The following NUP133 variants were observed in gnomAD, a reference collection of about 807,000 sequenced individuals.
NUP133 encodes nuclear pore complex protein Nup133.
In NUP133, 66 loss-of-function variants were observed where a neutral mutation model predicts 146.2. The ratio of observed to expected loss-of-function variants is 0.45; its 90% CI spans 0.37 to 0.55. The LOEUF is 0.55. Among genes scored for constraint, NUP133 ranks in the 20% least tolerant of loss-of-function variants. NUP133 has a pLI of 0.00. For missense variants in NUP133, 1,277 were observed against 1,374.8 expected, an observed-to-expected ratio of 0.93 and a Z score of 1.12; for synonymous variants, 521 against 498.8, an observed-to-expected ratio of 1.04 and a Z score of -0.59.
At position 229,466,678 on chromosome 1, in the gene NUP133, T is replaced by C; in HGVS notation, c.2155A>G (p.Ile719Val). Reference sequence around the variant, plus strand: ...TTGATCACCACTTCAGCCCATTCAATGGAATCCATAGGTGCATCCCTCAAG... The same window carrying C: ...TTGATCACCACTTCAGCCCATTCAACGGAATCCATAGGTGCATCCCTCAAG... ...QVLRDAPMDS[I>V]EWAEVVINVN... Residue 719 changes from isoleucine (I) to valine (V), a missense_variant, in exon 16 of 26, where the codon ATT (isoleucine) becomes GTT (valine). Transcript: ENST00000261396. 1 of 1,614,110 alleles carries C rather than the reference T, an allele frequency of 6.2e-7. No homozygotes were observed. Among genetic ancestry groups the C allele is most frequent in the Non-Finnish European group, 8.5e-7 (1 of 1,179,974 alleles).
At chr1:229,469,455 A>T (rs1367237774) in intron 15 of NUP133, among the ~76,000 whole-genome samples, 2 of 152,118 alleles carry the variant, frequency 1.3e-5, no homozygotes, top group Non-Finnish European at 2.9e-5. Context: ...AAGGTGTAGC[A>T]ACAGGATCCT....
chr1:229,479,594 TGAA>T (rs1471401280), intron 12 of NUP133, among the ~76,000 whole-genome samples: 1 of 152,172 alleles, frequency 6.6e-6, no homozygotes, highest in Non-Finnish European at 1.5e-5. Context: ...TGCTTTGAAC[TGAA>T]GAGATGGTAG....
intron 11 of NUP133, 62 bp from the exon 12 acceptor site, chr1:229,484,207 T>A: frequency 8.4e-7 from 1 of 1,197,340 alleles, no homozygotes; most frequent in Non-Finnish European, 1.2e-6. Flanking sequence ...ATTATTGGAC[T>A]AAAAACTGCA....
chr1:229,496,620 C>G (rs959133040), intron 6 of NUP133, among the ~76,000 whole-genome samples: 1 of 152,060 alleles, frequency 6.6e-6, no homozygotes, highest in Non-Finnish European at 1.5e-5. Context: ...CTTTGGAGAA[C>G]AAGAAGTCAT....
rs1661999305 is a variant in NUP133 at position 229,508,268 on chromosome 1, C to G, written c.-19G>C. Reference sequence around the variant, plus strand: ...GGAACATGACTCCAAGGAGCAGCGACTAGGACAGCGAGGGATCTGGCCGTC... The same window carrying G: ...GGAACATGACTCCAAGGAGCAGCGAGTAGGACAGCGAGGGATCTGGCCGTC... On this transcript the variant is annotated 5_prime_UTR_variant, in exon 1 of 26. Coordinates refer to ENST00000261396, the MANE Select transcript of NUP133 (RefSeq NM_018230.3). The G allele has an allele frequency of 6.8e-7, 1 of 1,463,798 alleles. No homozygotes were observed. The highest frequency in any genetic ancestry group is 9.1e-7 in the Non-Finnish European group (1 of 1,104,784). 90.7% of individuals were successfully genotyped at this position (1,463,798 alleles called of 1,614,324 possible).
In NUP133 at chr1:229,506,144, C is replaced by T. The variant is rs1374111319; in HGVS notation, c.197G>A (p.Arg66Gln). ...AGTTATGGAGTGGTGTGGGAACATTCGTGTTGGTGTTCCCCTAAAGAAAAG... is the reference window on the plus strand; with the variant it reads ...AGTTATGGAGTGGTGTGGGAACATTTGTGTTGGTGTTCCCCTAAAGAAAAG... Reference protein sequence around the residue: ...SSLSSRGTPTRMFPHHSITES... With the variant: ...SSLSSRGTPTQMFPHHSITES... The change falls in exon 2 of 26, where the codon CGA becomes CAA. Residue 66 changes from arginine to glutamine, a missense_variant. Physicochemically the swap from Arg to Gln is conservative, Grantham distance 43. Transcript: ENST00000261396. 2.5e-6 allele frequency: 4 copies of T among 1,603,410 alleles called. No individual in the cohort carries two copies. Among genetic ancestry groups the T allele is most frequent in the Admixed American group, 3.3e-5 (2 of 59,774 alleles).
At chr1:229,476,792 T>C (rs1168550788) in intron 13 of NUP133, among the ~76,000 whole-genome samples, 1 of 151,816 alleles carries the variant, frequency 6.6e-6, no homozygotes, top group Non-Finnish European at 1.5e-5. Context: ...GGCATGGTGG[T>C]GCACACCTGT....
At chr1:229,448,563 T>C (rs942096195) in intron 24 of NUP133, among the ~76,000 whole-genome samples, 16 of 152,178 alleles carry the variant, frequency 1.1e-4, no homozygotes, top group Non-Finnish European at 1.9e-4. Flanking sequence ...ACCATAAGTA[T>C]ACTCAAGTCA....
At chr1:229,487,352 T>G in intron 10 of NUP133, 114 bp downstream of exon 10, 1 of 1,049,146 alleles carries the variant, frequency 9.5e-7, no homozygotes, top group Admixed American at 2.5e-5. Flanking sequence ...GTATGAAATG[T>G]CTCAGAAACA....
chr1:229,496,085 A>C (rs547576743), intron 6 of NUP133, 38 bp from the exon 7 acceptor site: 1 of 1,475,952 alleles, frequency 6.8e-7, no homozygotes, highest in Admixed American at 2.4e-5. Context: ...TTCACAGATT[A>C]ACTTCTAATG....
At chr1:229,497,974 G>A (rs1322403829) in intron 6 of NUP133, among the ~76,000 whole-genome samples, 162 bp downstream of exon 6, 1 of 152,166 alleles carries the variant, frequency 6.6e-6, no homozygotes, top group East Asian at 1.9e-4. Flanking sequence ...AGGTTAGTAT[G>A]ATCTCATTTC....
At chr1:229,470,300 A>G (rs931727032) in intron 15 of NUP133, among the ~76,000 whole-genome samples, 21 of 151,972 alleles carry the variant, frequency 1.4e-4, no homozygotes, top group Non-Finnish European at 7.4e-5. Context: ...AAAAAAAAAA[A>G]AAGAAGATCA....
chr1:229,493,367 G>A (rs1386201010), intron 8 of NUP133, among the ~76,000 whole-genome samples: 1 of 152,050 alleles, frequency 6.6e-6, no homozygotes, highest in Non-Finnish European at 1.5e-5. Context: ...TTTGCGTGGA[G>A]ATAGGGTCTC....
rs754140585 is a variant in NUP133 at position 229,487,448 on chromosome 1, C to T, written c.1342+18G>A. ...CTAATGAGCTCACCAATCATGCTTT[C>T]TAAAACTGCTACTGTACCTTGTGCA... On this transcript the variant is annotated intron_variant, in intron 10 of 25. Coordinates refer to ENST00000261396, the MANE Select transcript of NUP133 (RefSeq NM_018230.3). 1 of 1,605,458 alleles carries T rather than the reference C, an allele frequency of 6.2e-7. No individual in the cohort carries two copies. The highest frequency in any genetic ancestry group is 8.5e-7 in the Non-Finnish European group (1 of 1,178,212).
chr1:229,450,715 T>TTTG (rs2102748501), intron 22 of NUP133, 110 bp from the exon 23 acceptor site: 1 of 432,604 alleles, frequency 2.3e-6, no homozygotes, highest in Non-Finnish European at 4.0e-6. Flanking sequence ...GTAGTTTGTT[T>TTTG]TTTGTTTGTT....
rs567919173 is a variant in NUP133, at chr1:229,443,989, C to G, written c.3334+925G>C. ...CTACTGGGCTCAAGTGATTCTCCCA[C>G]CTTGGCCTCCCAAAGTGTGAGCCAC... On this transcript the variant is annotated intron_variant, in intron 25 of 25. Coordinates refer to ENST00000261396, the MANE Select transcript of NUP133 (RefSeq NM_018230.3). Among the ~76,000 whole-genome samples the G allele has an allele frequency of 2.0e-5, 3 of 151,238 alleles. No individual in the cohort carries two copies. In the South Asian group the frequency reaches 6.3e-4, roughly 32 times the overall value.
intron 19 of NUP133, 150 bp downstream of exon 19, chr1:229,463,393 C>T (rs368703365): frequency 2.2e-5 from 20 of 889,928 alleles, no homozygotes; most frequent in Non-Finnish European, 2.3e-5. Context: ...CAAAGAAACG[C>T]GACATACAAA....
At chr1:229,494,921 G>A (rs1052777349) in intron 8 of NUP133, among the ~76,000 whole-genome samples, 1 of 152,202 alleles carries the variant, frequency 6.6e-6, no homozygotes, top group African/African-American at 2.4e-5. Context: ...GTGAAGAAGA[G>A]AAGCTCTAGC....
chr1:229,450,800 A>C (rs892713082), intron 22 of NUP133, 195 bp from the exon 23 acceptor site: 1 of 281,752 alleles, frequency 3.5e-6, no homozygotes, highest in Non-Finnish European at 6.7e-6. Context: ...ATCTCAGCTC[A>C]CTGAAACTTC....
Sources: allele counts gnomAD v4.1 joint callset (sites outside exome capture counted in the v4.1 genomes callset), GRCh38; gene constraint gnomAD v4.1.1; transcripts MANE v1.5; gene names NCBI Gene and HGNC (gene_info 2026-07-23, HGNC 2026-07-21).